The following ACTR3C variants were observed in gnomAD, a reference collection of about 807,000 sequenced individuals.
The protein encoded by ACTR3C is actin-related protein 3C.
Under a neutral mutation model 26.3 loss-of-function variants are expected in ACTR3C, and 18 were observed. The observed-to-expected ratio is 0.68, with a 90% CI of 0.47 to 1.01. The LOEUF is 1.01. Among genes scored for constraint, ACTR3C ranks in the 50% least tolerant of loss-of-function variants. ACTR3C has a pLI of 0.00. For synonymous variants in ACTR3C, 55 were observed against 94.5 expected (o/e 0.58, Z 2.42); for missense variants, 184 against 250.7 (o/e 0.73, Z 1.80).
At chr7:149,959,532 G>A in the ACTR3C span, among the ~76,000 whole-genome samples, 3 of 152,138 alleles carry the variant, frequency 2.0e-5, no homozygotes, top group Non-Finnish European at 4.4e-5. Flanking sequence ...AAAGAGAAAG[G>A]CATGTACAGG....
At chr7:150,091,655 T>A in the ACTR3C span, among the ~76,000 whole-genome samples, 1 of 96,564 alleles carries the variant, frequency 1.0e-5, no homozygotes, top group Non-Finnish European at 2.1e-5. Context: ...CTCTGGGGGG[T>A]GGCTAACATG....
At chr7:150,026,422 T>G in the ACTR3C span, among the ~76,000 whole-genome samples, 27 of 152,144 alleles carry the variant, frequency 1.8e-4, no homozygotes, top group African/African-American at 6.0e-4. Context: ...CCTCTATTAT[T>G]TCAAAGAGGA....
chr7:149,964,382 C>T, the ACTR3C span, among the ~76,000 whole-genome samples: 367 of 151,334 alleles, frequency 2.4e-3, no homozygotes, highest in African/African-American at 8.4e-3. Context: ...ACTACTGAAC[C>T]GAAATGAGGA....
the ACTR3C span, among the ~76,000 whole-genome samples, chr7:150,227,831 T>A: frequency 2.0e-5 from 3 of 151,826 alleles, 1 homozygote; most frequent in Admixed American, 2.0e-4. Context: ...ATTTCTGGGC[T>A]CTCAATTCTG....
the ACTR3C span, among the ~76,000 whole-genome samples, chr7:150,100,076 G>A: frequency 6.6e-6 from 1 of 151,576 alleles, no homozygotes; most frequent in Non-Finnish European, 1.5e-5. Flanking sequence ...AGGAAACTCG[G>A]CTCTTCTGAT....
the ACTR3C span, among the ~76,000 whole-genome samples, chr7:150,124,176 C>T: frequency 2.0e-5 from 3 of 152,150 alleles, no homozygotes; most frequent in East Asian, 5.8e-4. Flanking sequence ...TCATTTCTTG[C>T]CCTCCCATCC....
chr7:149,938,069 T>C, the ACTR3C span, among the ~76,000 whole-genome samples: 1 of 152,190 alleles, frequency 6.6e-6, no homozygotes, highest in African/African-American at 2.4e-5. Context: ...AGCCCAGCTA[T>C]CTTCCCTGGG....
At chr7:150,307,121 T>C (rs1312179066) in intron 1 of ACTR3C, among the ~76,000 whole-genome samples, 2 of 152,252 alleles carry the variant, frequency 1.3e-5, no homozygotes, top group Non-Finnish European at 2.9e-5. Flanking sequence ...CCATGGCCCA[T>C]GACACAGTCG....
the ACTR3C span, chr7:150,001,495 T>C: frequency 5.9e-5 from 9 of 152,396 alleles, no homozygotes; most frequent in African/African-American, 2.2e-4. Context: ...AGCTAAGGCA[T>C]ATCCCACACC....
chr7:150,035,403 T>A, the ACTR3C span, among the ~76,000 whole-genome samples: 4 of 15,366 alleles, frequency 2.6e-4, 1 homozygote, highest in Admixed American at 6.7e-4. Context: ...GGTCCTAAGA[T>A]CCAGGGGGGG....
chr7:150,038,441 G>C, the ACTR3C span, among the ~76,000 whole-genome samples: 1 of 142,852 alleles, frequency 7.0e-6, no homozygotes, highest in African/African-American at 2.7e-5. Context: ...CTGTTGTTGG[G>C]ATCCCCATTT....
At chr7:150,035,169 G>T in the ACTR3C span, among the ~76,000 whole-genome samples, 23 of 141,220 alleles carry the variant, frequency 1.6e-4, 1 homozygote, top group Admixed American at 4.9e-4. Flanking sequence ...AGCCAGGGGG[G>T]GAAGAGGGTC....
the ACTR3C span, among the ~76,000 whole-genome samples, chr7:149,955,599 A>G: frequency 6.6e-6 from 1 of 152,092 alleles, no homozygotes; most frequent in African/African-American, 2.4e-5. Context: ...AACAAGCTGT[A>G]TTTTCTTAAC....
the ACTR3C span, among the ~76,000 whole-genome samples, chr7:150,169,388 G>GAAAAAAAAAAAA: frequency 1.7e-5 from 2 of 120,126 alleles, no homozygotes; most frequent in Non-Finnish European, 3.3e-5. Flanking sequence ...ATTTCAAAAG[G>GAAAAAAAAAAAA]AAAAAAAAAA....
the ACTR3C span, among the ~76,000 whole-genome samples, chr7:149,905,857 C>T: frequency 6.6e-6 from 1 of 152,042 alleles, no homozygotes; most frequent in Non-Finnish European, 1.5e-5. Flanking sequence ...GAACAGCCTC[C>T]TGGAGGAGTA....
the ACTR3C span, among the ~76,000 whole-genome samples, chr7:149,998,431 A>G: frequency 6.7e-6 from 1 of 149,548 alleles, no homozygotes; most frequent in Non-Finnish European, 1.5e-5. Context: ...GTACTGGGTA[A>G]TTTATAAAGA....
chr7:150,118,727 A>G, the ACTR3C span, among the ~76,000 whole-genome samples: 4 of 141,552 alleles, frequency 2.8e-5, no homozygotes, highest in African/African-American at 1.1e-4. Flanking sequence ...TTCAGGAAAT[A>G]CAGAGAACAC....
At chr7:150,042,880 TC>T in the ACTR3C span, among the ~76,000 whole-genome samples, 5 of 150,972 alleles carry the variant, frequency 3.3e-5, no homozygotes, top group Admixed American at 3.3e-4. Context: ...AAAGGCTTTG[TC>T]AGATCGGGTA....
the ACTR3C span, among the ~76,000 whole-genome samples, chr7:150,011,742 C>T: frequency 6.6e-6 from 1 of 152,042 alleles, no homozygotes; most frequent in African/African-American, 2.4e-5. Flanking sequence ...TTCTGGGACT[C>T]GACATAAACA....
Sources: gnomAD v4.1 joint callset for allele counts (sites outside exome capture counted in the v4.1 genomes callset) on GRCh38, gnomAD v4.1.1 for gene constraint, MANE v1.5 for transcripts, NCBI Gene and HGNC (gene_info 2026-07-23, HGNC 2026-07-21) for gene names.